KIF5C: variants seen among roughly 807,000 people sequenced by gnomAD.
The protein encoded by KIF5C is kinesin family member 5C, also known as kinesin heavy chain isoform 5C.
KIF5C carries 18 observed loss-of-function variants against 125.2 expected under a neutral mutation model. The ratio of observed to expected loss-of-function variants is 0.14; its 90% CI spans 0.10 to 0.21. The LOEUF is 0.21. KIF5C is among the 10% of genes least tolerant of loss of function. The pLI, the probability that KIF5C is intolerant of heterozygous loss-of-function variation, is 1.00. For synonymous variants in KIF5C, 405 were observed against 434.0 expected, an observed-to-expected ratio of 0.93 and a Z score of 0.83; for missense variants, 780 against 1,183.8, an observed-to-expected ratio of 0.66 and a Z score of 5.01.
At chr2:149,022,978 T>G (rs1682580046) in intron 25 of KIF5C, 100 bp from the exon 26 acceptor site, 1 of 152,154 alleles carries the variant, frequency 6.6e-6, no homozygotes, top group South Asian at 2.1e-4. Context: ...ATCTGACAGC[T>G]CTGGTCTAAA....
intron 1 of KIF5C, among the ~76,000 whole-genome samples, chr2:148,920,059 T>A (rs922524235): frequency 3.3e-5 from 5 of 152,226 alleles, no homozygotes; most frequent in African/African-American, 1.2e-4. Context: ...TAATGCATTC[T>A]AATAAACATT....
chr2:148,998,198 G>A (rs569256537), intron 18 of KIF5C: 2 of 814,142 alleles, frequency 2.5e-6, no homozygotes, highest in East Asian at 5.5e-5. Flanking sequence ...GGGCCAACTT[G>A]GTTTGATAAC....
chr2:148,963,403 G>A (rs1430719862), intron 11 of KIF5C, among the ~76,000 whole-genome samples: 2 of 152,158 alleles, frequency 1.3e-5, no homozygotes, highest in African/African-American at 4.8e-5. Flanking sequence ...CTTTTTGCTA[G>A]TAAGGGTGGG....
intron 1 of KIF5C, among the ~76,000 whole-genome samples, chr2:148,880,303 T>C (rs1273877049): frequency 6.6e-6 from 1 of 152,158 alleles, no homozygotes; most frequent in African/African-American, 2.4e-5. Context: ...GTATTTTTAG[T>C]AGAGATGGGG....
At chr2:148,894,283 T>C (rs1681780063) in intron 1 of KIF5C, among the ~76,000 whole-genome samples, 1 of 152,226 alleles carries the variant, frequency 6.6e-6, no homozygotes, top group African/African-American at 2.4e-5. Context: ...CAGAAAATGA[T>C]TGCCTTGAAA....
At chr2:149,020,770 G>A (rs375614624) in intron 25 of KIF5C, among the ~76,000 whole-genome samples, 21 of 152,166 alleles carry the variant, frequency 1.4e-4, no homozygotes, top group African/African-American at 3.6e-4. Context: ...TTCAGTGGTG[G>A]CATTCAGGCA....
chr2:148,875,937 G>A (rs373013789), intron 1 of KIF5C, among the ~76,000 whole-genome samples, 194 bp downstream of exon 1: 1 of 151,892 alleles, frequency 6.6e-6, no homozygotes. Context: ...GAGGCGGCCG[G>A]GAGCGGCGGG....
rs1234744559 is a variant in KIF5C at position 149,005,390 on chromosome 2, C to T, written c.2374-3C>T. 7 of 1,613,312 alleles carry T rather than the reference C, an allele frequency of 4.3e-6. No individual in the cohort carries two copies. Among genetic ancestry groups the T allele is most frequent in the East Asian group, 2.2e-5 (1 of 44,880 alleles). ...TTAAGTGGCCTTTAAAAATCTCTTCCAGTCTAGAGAATTGCAGACACTGCA... is the reference window on the plus strand; with the variant it reads ...TTAAGTGGCCTTTAAAAATCTCTTCTAGTCTAGAGAATTGCAGACACTGCA... On this transcript the variant is annotated splice_region_variant and splice_polypyrimidine_tract_variant and intron_variant, in intron 21 of 25. Coordinates refer to ENST00000435030, the MANE Select transcript of KIF5C (RefSeq NM_004522.3).
At chr2:148,951,025 A>G (rs1403277049) in intron 10 of KIF5C, among the ~76,000 whole-genome samples, 2 of 152,300 alleles carry the variant, frequency 1.3e-5, no homozygotes, top group East Asian at 1.9e-4. Flanking sequence ...AACCAAACTC[A>G]TTTCAGATGT....
At chr2:148,951,407 A>C (rs188522072) in intron 10 of KIF5C, among the ~76,000 whole-genome samples, 1 of 152,272 alleles carries the variant, frequency 6.6e-6, no homozygotes, top group Admixed American at 6.5e-5. Flanking sequence ...AGCAAGAGTT[A>C]CATGTGTGGT....
chr2:149,000,779 A>G lies in KIF5C; in HGVS notation c.2370A>G (p.Thr790=). The change falls in exon 21 of 26, where the codon ACA becomes ACG. Residue 790 remains threonine, a synonymous_variant. Transcript: ENST00000435030. ...AAGACCTCAAAGGGCTGGAGGAGACAGTGGTATGTCAAGATATTTCCCGAT... is the reference window on the plus strand; with the variant it reads ...AAGACCTCAAAGGGCTGGAGGAGACGGTGGTATGTCAAGATATTTCCCGAT... ...AREDLKGLEE[T]VSRELQTLHN... 1 of 1,613,766 alleles carries G rather than the reference A, an allele frequency of 6.2e-7. No individual in the cohort carries two copies. The highest frequency in any genetic ancestry group is 1.1e-5 in the South Asian group (1 of 90,950).
chr2:148,983,748 C>T lies in KIF5C; in HGVS notation c.1698C>T (p.Gly566=), dbSNP rs752161951. The change falls in exon 15 of 26, where the codon GGC becomes GGT. Residue 566 remains glycine (G), a synonymous_variant. Transcript: ENST00000435030. ...TGGGGGAGATAGGTGGAATTATTGG[C>T]ACCAATGATGTGAAAACTGTAAGCC... ...KDLGEIGGII[G]TNDVKTLADV... 1.2e-5 allele frequency: 19 copies of T among 1,607,472 alleles called. No homozygotes were observed. Among genetic ancestry groups the T allele is most frequent in the African/African-American group, 5.4e-5 (4 of 74,670 alleles).
chr2:148,971,561 A>G (rs1680910533), intron 11 of KIF5C, among the ~76,000 whole-genome samples: 1 of 152,172 alleles, frequency 6.6e-6, no homozygotes, highest in African/African-American at 2.4e-5. Context: ...GGTTTTGTTT[A>G]AGGTCAATAA....
At chr2:148,922,330 G>A in intron 2 of KIF5C, 103 bp downstream of exon 2, 2 of 659,966 alleles carry the variant, frequency 3.0e-6, no homozygotes, top group Non-Finnish European at 5.0e-6. Context: ...TGTAAGCAGA[G>A]GCCTGCTAAT....
chr2:148,937,263 GT>G lies in KIF5C; in HGVS notation c.292-18del. ...CTCCCAGCATGCTTTAACTGCCCGT[GT>G]TTGTATTTTCGCCCACTAGGGGAAG... On this transcript the variant is annotated intron_variant, in intron 3 of 25. Coordinates refer to ENST00000435030, the MANE Select transcript of KIF5C (RefSeq NM_004522.3). 5 of 1,569,090 alleles carry G rather than the reference GT, an allele frequency of 3.2e-6. No homozygotes were observed. The highest frequency in any genetic ancestry group is 4.3e-6 in the Non-Finnish European group (5 of 1,155,856).
In KIF5C at chr2:148,894,166, C is replaced by T. The variant is rs191392198; in HGVS notation, c.126+18423C>T. Among the ~76,000 whole-genome samples the T allele has an allele frequency of 1.0e-3, 157 of 152,270 alleles. 1 individual carries two copies. The highest frequency in any genetic ancestry group is 1.3e-4 in the Non-Finnish European group (9 of 68,006). On this transcript the variant is annotated intron_variant, in intron 1 of 25. Transcript: ENST00000435030. ...GTAGTTTGCAAAGTGGTTTCATTTT[C>T]CACAGAATGAAAATAGTTTTGTATT...
At chr2:148,919,402 G>C (rs1425898554) in intron 1 of KIF5C, among the ~76,000 whole-genome samples, 1 of 152,184 alleles carries the variant, frequency 6.6e-6, no homozygotes, top group African/African-American at 2.4e-5. Flanking sequence ...TCAAGTGTTA[G>C]TACCCAGAAC....
chr2:149,013,894 G>A (rs961139423), intron 25 of KIF5C, among the ~76,000 whole-genome samples: 5 of 152,168 alleles, frequency 3.3e-5, no homozygotes, highest in Non-Finnish European at 5.9e-5. Context: ...GACCTTCGGA[G>A]TGAAAGAACC....
chr2:148,886,822 C>A (rs1681541391), intron 1 of KIF5C, among the ~76,000 whole-genome samples: 2 of 152,146 alleles, frequency 1.3e-5, no homozygotes, highest in African/African-American at 2.4e-5. Context: ...ACCCAGACTC[C>A]CCTAGGATAT....
Sources: gnomAD v4.1 joint callset for allele counts (sites outside exome capture counted in the v4.1 genomes callset) on GRCh38, gnomAD v4.1.1 for gene constraint, MANE v1.5 for transcripts, NCBI Gene and HGNC (gene_info 2026-07-23, HGNC 2026-07-21) for gene names.